CPSF4L: variants seen among roughly 807,000 people sequenced by gnomAD.
The protein encoded by CPSF4L is cleavage and polyadenylation specific factor 4 like.
Under a neutral mutation model 24.0 loss-of-function variants are expected in CPSF4L, and 18 were observed. That is an observed-to-expected ratio of 0.75 (90% confidence interval 0.52 to 1.11). The LOEUF (loss-of-function observed/expected upper bound fraction) is 1.11. Among genes scored for constraint, CPSF4L ranks in the 50% least tolerant of loss-of-function variants. CPSF4L has a pLI of 0.00. For missense variants in CPSF4L, 211 were observed against 221.8 expected, an observed-to-expected ratio of 0.95 and a Z score of 0.31; for synonymous variants, 72 against 77.2, an observed-to-expected ratio of 0.93 and a Z score of 0.35.
the CPSF4L span, chr17:73,242,151 C>T: frequency 1.3e-6 from 1 of 749,744 alleles, no homozygotes; most frequent in African/African-American, 1.8e-5. Flanking sequence ...TATGCTCTTC[C>T]TGAGGCTTAG....
At chr17:73,251,276 C>G (rs1405612837) in intron 5 of CPSF4L, among the ~76,000 whole-genome samples, 1 of 152,172 alleles carries the variant, frequency 6.6e-6, no homozygotes, top group Non-Finnish European at 1.5e-5. Flanking sequence ...CAAAGTTAGG[C>G]TTTCATTGTA....
At chr17:73,253,211 T>C (rs1263355928) in intron 4 of CPSF4L, among the ~76,000 whole-genome samples, 1 of 151,944 alleles carries the variant, frequency 6.6e-6, no homozygotes, top group Non-Finnish European at 1.5e-5. Context: ...AATACAAAAA[T>C]TAGCTGGGCA....
downstream of CPSF4L, chr17:73,245,277 T>C: frequency 6.6e-7 from 1 of 1,521,142 alleles, no homozygotes; most frequent in Non-Finnish European, 8.8e-7. Flanking sequence ...AGTTTAAAAA[T>C]GTATAATATT....
chr17:73,250,110 C>T, intron 5 of CPSF4L: 1 of 705,476 alleles, frequency 1.4e-6, no homozygotes, highest in Non-Finnish European at 2.1e-6. Flanking sequence ...AAGAAATAAA[C>T]CTGCCTGCCA....
intron 2 of CPSF4L, 63 bp from the exon 3 acceptor site, chr17:73,257,896 C>T: frequency 6.6e-7 from 1 of 1,525,554 alleles, no homozygotes; most frequent in Non-Finnish European, 8.8e-7. Flanking sequence ...CAGCTCAGCC[C>T]TCCAGGGGAT....
At chr17:73,251,597 T>C (rs537049687) in intron 5 of CPSF4L, among the ~76,000 whole-genome samples, 27 of 152,348 alleles carry the variant, frequency 1.8e-4, no homozygotes, top group African/African-American at 6.5e-4. Context: ...GACTCTGCCA[T>C]TGTAAGCACC....
chr17:73,242,927 G>C, the CPSF4L span: 1 of 1,614,006 alleles, frequency 6.2e-7, no homozygotes, highest in Non-Finnish European at 8.5e-7. Flanking sequence ...CCATAAGGAA[G>C]AGTGGATTCG....
intron 1 of CPSF4L, 70 bp downstream of exon 1, chr17:73,261,646 G>A: frequency 9.4e-7 from 1 of 1,065,172 alleles, no homozygotes; most frequent in South Asian, 1.3e-5. Flanking sequence ...GGGCTACAGA[G>A]CGAGACTCCG....
At chr17:73,247,332 T>A (rs757694974), downstream of CPSF4L, 2 of 1,614,118 alleles carry the variant, frequency 1.2e-6, no homozygotes, top group Non-Finnish European at 1.7e-6. Context: ...CTAAAACATG[T>A]TTGGATTAGG....
chr17:73,250,427 A>G, intron 5 of CPSF4L: 3 of 1,312,670 alleles, frequency 2.3e-6, no homozygotes, highest in Non-Finnish European at 3.1e-6. Flanking sequence ...CTTGTTGGTG[A>G]AGCTTATTTC....
chr17:73,258,645 C>A (rs971348264), intron 2 of CPSF4L, among the ~76,000 whole-genome samples: 10 of 152,126 alleles, frequency 6.6e-5, no homozygotes, highest in African/African-American at 2.4e-4. Context: ...ACTACCACAC[C>A]TTTGCCCATC....
downstream of CPSF4L, chr17:73,247,104 A>C (rs932968271): frequency 2.8e-6 from 2 of 726,710 alleles, no homozygotes; most frequent in Non-Finnish European, 4.5e-6. Flanking sequence ...TGTAGTCAAA[A>C]TGTACAAAAA....
chr17:73,247,137 G>C, downstream of CPSF4L: 1 of 955,646 alleles, frequency 1.0e-6, no homozygotes, highest in South Asian at 1.4e-5. Flanking sequence ...ATTTGGTTAG[G>C]TGGCATCCAT....
intron 3 of CPSF4L, 31 bp downstream of exon 3, chr17:73,257,650 G>A (rs1230226389): frequency 6.5e-7 from 1 of 1,549,040 alleles, no homozygotes; most frequent in African/African-American, 1.4e-5. Flanking sequence ...CACCCTCCAG[G>A]GTGAGGCACC....
chr17:73,252,119 A>G (rs1407081008), intron 5 of CPSF4L, among the ~76,000 whole-genome samples: 1 of 152,158 alleles, frequency 6.6e-6, no homozygotes, highest in Non-Finnish European at 1.5e-5. Flanking sequence ...GAATAAAGGG[A>G]TGAGGGATGA....
intron 2 of CPSF4L, among the ~76,000 whole-genome samples, chr17:73,259,631 C>A (rs1236170550): frequency 1.3e-5 from 2 of 152,142 alleles, no homozygotes; most frequent in African/African-American, 4.8e-5. Flanking sequence ...TGAGGAGATG[C>A]CACTCAGTCC....
chr17:73,252,508 A>C, intron 5 of CPSF4L, 122 bp downstream of exon 5: 1 of 695,372 alleles, frequency 1.4e-6, no homozygotes, highest in Admixed American at 2.3e-5. Flanking sequence ...AAAATACTGG[A>C]GCGGATGCTT....
At chr17:73,244,127 T>C (rs1027149627), downstream of CPSF4L, among the ~76,000 whole-genome samples, 2 of 152,242 alleles carry the variant, frequency 1.3e-5, no homozygotes, top group South Asian at 4.1e-4. Context: ...CTTAATTTCA[T>C]TTATCTTAAT....
chr17:73,257,476 G>T (rs1458208051), intron 3 of CPSF4L, among the ~76,000 whole-genome samples: 1 of 151,068 alleles, frequency 6.6e-6, no homozygotes, highest in Non-Finnish European at 1.5e-5. Flanking sequence ...TTGATCCAGG[G>T]GGCAGTAAAG....
Sources: allele counts gnomAD v4.1 joint callset (sites outside exome capture counted in the v4.1 genomes callset), GRCh38; gene constraint gnomAD v4.1.1; transcripts MANE v1.5; gene names NCBI Gene and HGNC (gene_info 2026-07-23, HGNC 2026-07-21).